The following ADAM12 variants were observed in gnomAD, a reference collection of about 807,000 sequenced individuals.
ADAM12 encodes the protein disintegrin and metalloproteinase domain-containing protein 12.
A neutral mutation model predicts 106.4 loss-of-function variants in ADAM12; 70 were observed. That is an observed-to-expected ratio of 0.66 (90% confidence interval 0.54 to 0.80). The LOEUF is 0.80. Among genes scored for constraint, ADAM12 ranks in the 30% least tolerant of loss-of-function variants. ADAM12 has a pLI of 0.00. For missense variants in ADAM12, 1,010 were observed against 1,171.9 expected, an observed-to-expected ratio of 0.86 and a Z score of 2.02; for synonymous variants, 420 against 433.5, an observed-to-expected ratio of 0.97 and a Z score of 0.39.
intron 1 of ADAM12, among the ~76,000 whole-genome samples, chr10:126,383,258 C>T (rs553700684): frequency 1.6e-4 from 24 of 152,036 alleles, no homozygotes; most frequent in African/African-American, 5.8e-4. Flanking sequence ...AGCTACCGTG[C>T]CCAGCCAAAA....
chr10:126,217,939 C>T (rs1958018397), intron 3 of ADAM12, among the ~76,000 whole-genome samples: 3 of 150,658 alleles, frequency 2.0e-5, no homozygotes, highest in East Asian at 2.0e-4. Context: ...CACGTCACTG[C>T]ACTCCAGCCT....
chr10:126,332,944 GAACTTAT>G (rs1174167174), intron 1 of ADAM12, among the ~76,000 whole-genome samples: 1 of 152,128 alleles, frequency 6.6e-6, no homozygotes, highest in Non-Finnish European at 1.5e-5. Flanking sequence ...GCAATTAACT[GAACTTAT>G]AAGACAGCTG....
intron 3 of ADAM12, among the ~76,000 whole-genome samples, chr10:126,174,094 C>T (rs1276845435): frequency 6.8e-6 from 1 of 147,184 alleles, no homozygotes; most frequent in African/African-American, 2.6e-5. Flanking sequence ...TGCAACCTCC[C>T]GCCTCCCGGT....
At chr10:126,231,632 C>T (rs933543568) in intron 3 of ADAM12, among the ~76,000 whole-genome samples, 1 of 152,162 alleles carries the variant, frequency 6.6e-6, no homozygotes, top group Non-Finnish European at 1.5e-5. Context: ...CTGCTCTGGT[C>T]ACATGGAAAG....
chr10:126,248,613 T>C (rs1471311323), intron 3 of ADAM12, among the ~76,000 whole-genome samples: 1 of 152,216 alleles, frequency 6.6e-6, no homozygotes, highest in Admixed American at 6.5e-5. Flanking sequence ...ATCGAATGCA[T>C]ACCATGAGCT....
Position 126,081,331 on chromosome 10 carries a change from A to T in ADAM12, c.1146-9677T>A, listed in dbSNP as rs116447788. On this transcript the variant is annotated intron_variant, in intron 11 of 22. Transcript: ENST00000448723. ...GATAGGAAAAGCCAAAGTTGCAGGGAACCGGGGATGGGAATCCATCCAGAT... is the reference window on the plus strand; with the variant it reads ...GATAGGAAAAGCCAAAGTTGCAGGGTACCGGGGATGGGAATCCATCCAGAT... Among the ~76,000 whole-genome samples, 669 of 152,110 alleles carry T rather than the reference A, an allele frequency of 4.4e-3. 5 individuals are homozygous for T. The highest frequency in any genetic ancestry group is 0.015 in the African/African-American group (634 of 41,420).
intron 17 of ADAM12, among the ~76,000 whole-genome samples, chr10:126,044,653 T>C (rs1442646392): frequency 6.6e-6 from 1 of 152,218 alleles, no homozygotes; most frequent in Non-Finnish European, 1.5e-5. Context: ...ATGTCTCCCA[T>C]GTAATGCTTT....
chr10:126,035,370 T>C (rs988208736), intron 21 of ADAM12, among the ~76,000 whole-genome samples: 20 of 152,282 alleles, frequency 1.3e-4, no homozygotes, highest in African/African-American at 4.8e-4. Context: ...GCCCAATAAT[T>C]TGCAAGTACT....
rs368734110 is a variant in ADAM12, at chr10:126,349,326, C to T, written c.89-18817G>A. Among the ~76,000 whole-genome samples, 11 of 152,302 alleles carry T rather than the reference C, an allele frequency of 7.2e-5. No homozygotes were observed. The South Asian group carries it at 1.2e-3, about 17-fold the overall frequency. ...CTGTCACCAAAGCACATGTTTGGCACGGACTGAAAGCCAAAAGCAGTCTAA... is the reference window on the plus strand; with the variant it reads ...CTGTCACCAAAGCACATGTTTGGCATGGACTGAAAGCCAAAAGCAGTCTAA... On this transcript the variant is annotated intron_variant, in intron 1 of 22. Coordinates refer to ENST00000448723, the MANE Select transcript of ADAM12 (RefSeq NM_001288973.2).
At chr10:126,121,130 A>AGTATATATAGTAT (rs369707256) in intron 5 of ADAM12, among the ~76,000 whole-genome samples, 6,010 of 75,408 alleles carry the variant, frequency 0.08, 559 homozygotes, top group East Asian at 0.12. Flanking sequence ...TAGTATATAT[A>AGTATATATAGTAT]CTATATACTA....
At chr10:126,062,719 C>T (rs1355940501) in intron 14 of ADAM12, among the ~76,000 whole-genome samples, 5 of 152,192 alleles carry the variant, frequency 3.3e-5, no homozygotes, top group Admixed American at 1.3e-4. Context: ...TGTTCGAATA[C>T]GGCAGGGCAT....
At chr10:126,323,195 C>CTT (rs900686648) in intron 2 of ADAM12, among the ~76,000 whole-genome samples, 10 of 152,304 alleles carry the variant, frequency 6.6e-5, no homozygotes, top group Non-Finnish European at 1.2e-4. Flanking sequence ...AAAATAGATG[C>CTT]TTCCTAAGTC....
At chr10:126,060,103 C>T (rs547219955) in intron 14 of ADAM12, among the ~76,000 whole-genome samples, 9 of 152,226 alleles carry the variant, frequency 5.9e-5, no homozygotes, top group African/African-American at 1.7e-4. Context: ...CGAGAACGTA[C>T]GTTATCAACA....
intron 2 of ADAM12, among the ~76,000 whole-genome samples, chr10:126,326,832 A>G (rs1465231122): frequency 2.0e-5 from 3 of 151,992 alleles, no homozygotes; most frequent in African/African-American, 7.2e-5. Context: ...TGGCAGGCTC[A>G]CCCTTCATGT....
intron 3 of ADAM12, among the ~76,000 whole-genome samples, chr10:126,173,528 C>A (rs1957157692): frequency 6.6e-6 from 1 of 152,166 alleles, no homozygotes; most frequent in Admixed American, 6.5e-5. Flanking sequence ...TGTCCCCAGA[C>A]ACAGCCAACT....
At chr10:126,143,672 G>T (rs918966471) in intron 4 of ADAM12, among the ~76,000 whole-genome samples, 2 of 151,592 alleles carry the variant, frequency 1.3e-5, no homozygotes, top group Non-Finnish European at 2.9e-5. Context: ...ATGTGTATAT[G>T]TATGTGCATA....
In ADAM12 at chr10:126,066,678, T is replaced by G; in HGVS notation, c.1413+39A>C. On this transcript the variant is annotated intron_variant, in intron 13 of 22. Transcript: ENST00000448723. This position sits in a 1 kb window ranked among gnomAD's most constrained non-coding sequence, Gnocchi z 5.1. ...TCAGATCTGAACCACCTGAACCTGT[T>G]GGCGACCTGGGGGTCAAGTTGTAGC... 6.3e-7 allele frequency: 1 copy of G among 1,597,490 alleles called. No individual in the cohort carries two copies. Among genetic ancestry groups the G allele is most frequent in the Non-Finnish European group, 8.6e-7 (1 of 1,164,944 alleles).
At chr10:126,324,315 G>A (rs1057070232) in intron 2 of ADAM12, among the ~76,000 whole-genome samples, 1 of 152,192 alleles carries the variant, frequency 6.6e-6, no homozygotes, top group African/African-American at 2.4e-5. Flanking sequence ...AGGGAGTCAG[G>A]GGACATGGGG....
intron 2 of ADAM12, among the ~76,000 whole-genome samples, chr10:126,314,062 G>C (rs370943662): frequency 6.6e-6 from 1 of 151,860 alleles, no homozygotes; most frequent in East Asian, 1.9e-4. Flanking sequence ...ACATTCCCAG[G>C]GCTCTCCTGG....
Sources: allele counts gnomAD v4.1 joint callset (sites outside exome capture counted in the v4.1 genomes callset), GRCh38; gene constraint gnomAD v4.1.1; non-coding constraint Gnocchi (gnomAD v3.1); transcripts MANE v1.5; gene names NCBI Gene and HGNC (gene_info 2026-07-23, HGNC 2026-07-21).